TUBB4A: variants seen among roughly 807,000 people sequenced by gnomAD.
TUBB4A encodes the protein tubulin beta 4A class IVa.
A neutral mutation model predicts 35.1 loss-of-function variants in TUBB4A; 13 were observed. That is an observed-to-expected ratio of 0.37 (90% CI 0.24 to 0.59). The LOEUF is 0.59. Among genes scored for constraint, TUBB4A ranks in the 20% least tolerant of loss-of-function variants. The pLI, the probability that TUBB4A is intolerant of heterozygous loss-of-function variation, is 0.71. For synonymous variants in TUBB4A, 279 were observed against 272.4 expected, an observed-to-expected ratio of 1.02 and a Z score of -0.24; for missense variants, 299 against 647.2, an observed-to-expected ratio of 0.46 and a Z score of 5.84.
intron 1 of TUBB4A, 44 bp downstream of exon 1, chr19:6,502,112 C>T: frequency 1.3e-6 from 2 of 1,527,908 alleles, no homozygotes; most frequent in Non-Finnish European, 1.7e-6. Flanking sequence ...CCGCGGTGCT[C>T]CCCGGGGCCG....
intron 3 of TUBB4A, among the ~76,000 whole-genome samples, chr19:6,497,223 A>T (rs566712269): frequency 6.7e-6 from 1 of 149,750 alleles, no homozygotes; most frequent in Non-Finnish European, 1.5e-5. Context: ...AAAACAAATA[A>T]ATAATAACAA....
chr19:6,499,187 G>A (rs557888780), intron 3 of TUBB4A, among the ~76,000 whole-genome samples: 1 of 152,200 alleles, frequency 6.6e-6, no homozygotes, highest in Admixed American at 6.6e-5. Flanking sequence ...AATTAGCTAG[G>A]TGTGGTGATG....
intron 3 of TUBB4A, among the ~76,000 whole-genome samples, chr19:6,499,495 G>A (rs1006151956): frequency 2.6e-5 from 4 of 152,188 alleles, no homozygotes; most frequent in Admixed American, 6.5e-5. Context: ...CATTTAGCAC[G>A]TCTTACATGC....
intron 3 of TUBB4A, among the ~76,000 whole-genome samples, chr19:6,500,068 GGT>G (rs1914459439): frequency 6.6e-6 from 1 of 152,064 alleles, no homozygotes; most frequent in Non-Finnish European, 1.5e-5. Flanking sequence ...TGGGATTACA[GGT>G]GTGAGCCACC....
At position 6,495,167 on chromosome 19, in the gene TUBB4A, G is replaced by C; in HGVS notation, c.1332C>G (p.Ala444=). 1 of 1,613,754 alleles carries C rather than the reference G, an allele frequency of 6.2e-7. No homozygotes were observed. The highest frequency in any genetic ancestry group is 8.5e-7 in the Non-Finnish European group (1 of 1,179,816). Residue 444 remains alanine (A), a synonymous_variant, in exon 4 of 4, where the codon GCC becomes GCG. Transcript: ENST00000264071. This position sits in a 1 kb window ranked among gnomAD's most constrained non-coding sequence, Gnocchi z 8.7. ...GGTGGGAAGCGATGGGAGCAGCCTAGGCCACCTCCTCCTCCGCCTCCTCCT... is the reference window on the plus strand; with the variant it reads ...GGTGGGAAGCGATGGGAGCAGCCTACGCCACCTCCTCCTCCGCCTCCTCCT... ...EFEEEAEEEV[A]
intron 3 of TUBB4A, among the ~76,000 whole-genome samples, chr19:6,498,493 G>A (rs1914375714): frequency 6.6e-6 from 1 of 152,064 alleles, no homozygotes; most frequent in Non-Finnish European, 1.5e-5. Flanking sequence ...TGGGGTCAAA[G>A]CCCAAATCCT....
chr19:6,501,401 C>T lies in TUBB4A; in HGVS notation c.167-4G>A, dbSNP rs751685689. The stretch of plus-strand genomic sequence containing the variant: ...GCTCTGGGGACATAATTTCCTCCTG[C>T]AGGGAAACAGATGGAGGGCAGTTCG... On this transcript the variant is annotated splice_polypyrimidine_tract_variant and splice_region_variant and intron_variant, in intron 2 of 3. Coordinates refer to ENST00000264071, the MANE Select transcript of TUBB4A (RefSeq NM_006087.4). The surrounding 1 kb of genome is among the most constrained non-coding windows in gnomAD (Gnocchi z 4.2). The T allele has an allele frequency of 1.2e-6, 2 of 1,612,802 alleles. No individual in the cohort carries two copies. The highest frequency in any genetic ancestry group is 2.2e-5 in the East Asian group (1 of 44,866).
Position 6,501,650 on chromosome 19 carries a change from TGAGA to T in TUBB4A, c.58-31_58-28del. On this transcript the variant is annotated intron_variant, in intron 1 of 3. Coordinates refer to ENST00000264071, the MANE Select transcript of TUBB4A (RefSeq NM_006087.4). This position sits in a 1 kb window ranked among gnomAD's most constrained non-coding sequence, Gnocchi z 4.2. ...TAGAGAGAGAGGTGGTCGGAAGAGT[TGAGA>T]GAGGGGAAGCCGGTGGCCAAGCCGA... The T allele has an allele frequency of 1.3e-6, 2 of 1,597,032 alleles. No homozygotes were observed. The highest frequency in any genetic ancestry group is 1.7e-6 in the Non-Finnish European group (2 of 1,168,170).
chr19:6,501,313 A>G lies in TUBB4A; in HGVS notation c.251T>C (p.Ile84Thr). 1 of 1,614,060 alleles carries G rather than the reference A, an allele frequency of 6.2e-7. No individual in the cohort carries two copies. The highest frequency in any genetic ancestry group is 8.5e-7 in the Non-Finnish European group (1 of 1,179,960). ...AAACACGAAGTTGTCCGGCCGAAAG[A>G]TCTGACCGAAGGGGCCAGAACGGAC... ...DSVRSGPFGQ[I>T]FRPDNFVFGQ... The change falls in exon 3 of 4, where the codon ATC becomes ACC. Residue 84 changes from isoleucine to threonine, a missense_variant. Transcript: ENST00000264071. The surrounding 1 kb of genome is among the most constrained non-coding windows in gnomAD (Gnocchi z 4.2).
chr19:6,501,768 G>A lies in TUBB4A; in HGVS notation c.58-145C>T, dbSNP rs1305110910. The A allele has an allele frequency of 1.8e-5, 12 of 672,596 alleles. No individual in the cohort carries two copies. Among genetic ancestry groups the A allele is most frequent in the Middle Eastern group, 5.7e-4 (2 of 3,520 alleles). The allele number at this position is 672,596 out of a possible 1,614,324, so 41.7% of individuals were successfully genotyped here. ...GGACCTAGAGGCATGGTGTCGGGGC[G>A]AGGATGAGGCAGCAAGAAGGAGCGG... On this transcript the variant is annotated intron_variant, in intron 1 of 3. Coordinates refer to ENST00000264071, the MANE Select transcript of TUBB4A (RefSeq NM_006087.4). The surrounding 1 kb of genome is among the most constrained non-coding windows in gnomAD (Gnocchi z 4.2).
At position 6,496,098 on chromosome 19, in the gene TUBB4A, T is replaced by A; in HGVS notation, c.401A>T (p.Gln134Leu). 2 of 1,614,202 alleles carry A rather than the reference T, an allele frequency of 1.2e-6. No homozygotes were observed. Among genetic ancestry groups the A allele is most frequent in the Non-Finnish European group, 1.7e-6 (2 of 1,180,034 alleles). ...AESCDCLQGF[Q>L]LTHSLGGGTG... ...GCCACCCCCCAGCGAGTGGGTCAGCTGGAAGCCCTGAAGGCAGTCGCAGCT... is the reference window on the plus strand; with the variant it reads ...GCCACCCCCCAGCGAGTGGGTCAGCAGGAAGCCCTGAAGGCAGTCGCAGCT... The change falls in exon 4 of 4, where the codon CAG becomes CTG. Residue 134 changes from glutamine (Q) to leucine (L), a missense_variant. This residue lies in a region of TUBB4A where 123 missense variants were observed against 226.0 expected (regional missense o/e 0.54). Coordinates refer to ENST00000264071, the MANE Select transcript of TUBB4A (RefSeq NM_006087.4).
At chr19:6,500,807 A>G (rs1251389978) in intron 3 of TUBB4A, 1 of 152,732 alleles carries the variant, frequency 6.5e-6, no homozygotes, top group Non-Finnish European at 1.4e-5. Context: ...ATCCTAAGTT[A>G]TCCATCTGAA....
chr19:6,502,380 C>G (rs1914584113), upstream of TUBB4A: 1 of 713,624 alleles, frequency 1.4e-6, no homozygotes, highest in Non-Finnish European at 2.1e-6. Flanking sequence ...CCCTCCCGCT[C>G]CGCCCCTTGG....
rs1282467237 is a variant in TUBB4A, at chr19:6,494,766, C to T, written c.*398G>A. 1 of 260,142 alleles carries T rather than the reference C, an allele frequency of 3.8e-6. No individual in the cohort carries two copies. The highest frequency in any genetic ancestry group is 7.4e-6 in the Non-Finnish European group (1 of 135,260). 16.1% of individuals were successfully genotyped at this position (260,142 alleles called of 1,614,324 possible). A position where few individuals can be genotyped will look rare whatever the true frequency, so the allele number is the denominator to read the frequency against. On this transcript the variant is annotated 3_prime_UTR_variant, in exon 4 of 4. Coordinates refer to ENST00000264071, the MANE Select transcript of TUBB4A (RefSeq NM_006087.4). ...GCAAGGTCAGCGGTGAAGTGCAGCT[C>T]AGAGGGAGGGGTCAAACATAAACCA...
intron 3 of TUBB4A, 90 bp from the exon 4 acceptor site, chr19:6,496,311 AG>A: frequency 7.4e-6 from 9 of 1,217,336 alleles, no homozygotes; most frequent in African/African-American, 1.5e-5. Context: ...GGCCTCTAGT[AG>A]TTGAATACTA....
At chr19:6,499,360 C>T (rs1336021789) in intron 3 of TUBB4A, among the ~76,000 whole-genome samples, 1 of 151,956 alleles carries the variant, frequency 6.6e-6, no homozygotes, top group Non-Finnish European at 1.5e-5. Flanking sequence ...TCCTGACAGC[C>T]CCAGTGGCTT....
At chr19:6,499,558 G>C (rs918088710) in intron 3 of TUBB4A, among the ~76,000 whole-genome samples, 2 of 152,156 alleles carry the variant, frequency 1.3e-5, no homozygotes, top group African/African-American at 4.8e-5. Context: ...GCCAGCTGGA[G>C]CCAGGAAAGC....
rs769489513 is a variant in TUBB4A at position 6,496,148 on chromosome 19, C to T, written c.351G>A (p.Leu117=). 2 of 1,614,176 alleles carry T rather than the reference C, an allele frequency of 1.2e-6. No individual in the cohort carries two copies. The highest frequency in any genetic ancestry group is 1.7e-6 in the Non-Finnish European group (2 of 1,180,040). The change falls in exon 4 of 4, where the codon CTG becomes CTA. Residue 117 remains leucine (L), a synonymous_variant. Coordinates refer to ENST00000264071, the MANE Select transcript of TUBB4A (RefSeq NM_006087.4). ...TEGAELVDAV[L]DVVRKEAESC... Reference sequence around the variant, plus strand: ...TCTCGGCCTCCTTCCGGACTACGTCCAGGACAGCGTCCACCAGCTCTGCGC... The same window carrying T: ...TCTCGGCCTCCTTCCGGACTACGTCTAGGACAGCGTCCACCAGCTCTGCGC...
Position 6,495,810 on chromosome 19 carries a change from G to A in TUBB4A, c.689C>T (p.Ser230Leu). The change falls in exon 4 of 4, where the codon TCG (serine) becomes TTG (leucine). Residue 230 changes from serine to leucine, a missense_variant. Physicochemically the swap from Ser to Leu is moderately radical, Grantham distance 145. Transcript: ENST00000264071. The surrounding 1 kb of genome is among the most constrained non-coding windows in gnomAD (Gnocchi z 8.7). ...PTYGDLNHLVSATMSGVTTCL... is the reference protein window; with the variant it reads ...PTYGDLNHLVLATMSGVTTCL... ...GGTGGTGACCCCGCTCATGGTGGCC[G>A]ACACCAGGTGGTTGAGGTCCCCGTA... The A allele has an allele frequency of 6.2e-7, 1 of 1,614,254 alleles. No homozygotes were observed. The highest frequency in any genetic ancestry group is 1.3e-5 in the African/African-American group (1 of 75,072).
Sources: allele counts gnomAD v4.1 joint callset (sites outside exome capture counted in the v4.1 genomes callset), GRCh38; gene constraint gnomAD v4.1.1; regional missense constraint gnomAD v4.1.1; non-coding constraint Gnocchi (gnomAD v3.1); transcripts MANE v1.5; gene names NCBI Gene and HGNC (gene_info 2026-07-23, HGNC 2026-07-21).